SMIM17: variants seen among roughly 807,000 people sequenced by gnomAD.
The protein encoded by SMIM17 is small integral membrane protein 17.
A neutral mutation model predicts 12.2 loss-of-function variants in SMIM17; 10 were observed. The ratio of observed to expected loss-of-function variants is 0.82; its 90% CI spans 0.50 to 1.39. SMIM17 has a LOEUF of 1.39. Ranked by LOEUF, SMIM17 falls within the 40% of genes most tolerant of loss-of-function variation. The pLI, the probability that SMIM17 is intolerant of heterozygous loss-of-function variation, is 0.00. For missense variants in SMIM17, 136 were observed against 118.2 expected, an observed-to-expected ratio of 1.15 and a Z score of -0.70; for synonymous variants, 50 against 44.1, an observed-to-expected ratio of 1.13 and a Z score of -0.53.
intron 3 of SMIM17, among the ~76,000 whole-genome samples, chr19:56,650,730 T>G (rs2045102798): frequency 6.6e-6 from 1 of 152,014 alleles, no homozygotes; most frequent in Non-Finnish European, 1.5e-5. Context: ...TCCAGACCTG[T>G]GGAACGTAAA....
intron 3 of SMIM17, among the ~76,000 whole-genome samples, chr19:56,649,725 C>T (rs187922107): frequency 6.6e-6 from 1 of 151,122 alleles, no homozygotes; most frequent in South Asian, 2.1e-4. Flanking sequence ...CACCAAGGGG[C>T]ATGGTGGTCA....
intron 2 of SMIM17, among the ~76,000 whole-genome samples, chr19:56,646,464 C>T (rs916394584): frequency 2.6e-5 from 4 of 152,162 alleles, no homozygotes; most frequent in African/African-American, 9.7e-5. Context: ...TGTGGAGATG[C>T]TGCTGTTATC....
rs1219126326 is a variant in SMIM17, at chr19:56,656,895, T to C, written c.*1682T>C. Among the ~76,000 whole-genome samples the C allele has an allele frequency of 6.6e-6, 1 of 152,226 alleles. No homozygotes were observed. Among genetic ancestry groups the C allele is most frequent in the Non-Finnish European group, 1.5e-5 (1 of 68,030 alleles). ...CCTAGAACATGTCCATTTTTTGTAATTGTTTCACGAACATTTAAGATGAAG... is the reference window on the plus strand; with the variant it reads ...CCTAGAACATGTCCATTTTTTGTAACTGTTTCACGAACATTTAAGATGAAG... On this transcript the variant is annotated 3_prime_UTR_variant, in exon 4 of 4. Coordinates refer to ENST00000598409, the MANE Select transcript of SMIM17 (RefSeq NM_001193628.2).
Position 56,656,723 on chromosome 19 carries a change from G to A in SMIM17, c.*1510G>A, listed in dbSNP as rs1427613683. On this transcript the variant is annotated 3_prime_UTR_variant, in exon 4 of 4. Transcript: ENST00000598409. ...GTGTGTCTAAATATTACATTGTAGT[G>A]TTTCTAAAGAGTGCTTTGAAACTCA... 6.6e-6 allele frequency among the ~76,000 whole-genome samples: 1 copy of A among 152,124 alleles called. No individual in the cohort carries two copies. The highest frequency in any genetic ancestry group is 2.4e-5 in the African/African-American group (1 of 41,428).
chr19:56,657,207 GGC>G lies in SMIM17; in HGVS notation c.*1995_*1996del, dbSNP rs1417713949. ...TGTAAAACACCATATGACAATGGCT[GGC>G]AGATAGTAGGCACTCAATAAATGTT... On this transcript the variant is annotated 3_prime_UTR_variant, in exon 4 of 4. Transcript: ENST00000598409. Among the ~76,000 whole-genome samples the G allele has an allele frequency of 6.6e-6, 1 of 152,110 alleles. No individual in the cohort carries two copies. The highest frequency in any genetic ancestry group is 1.5e-5 in the Non-Finnish European group (1 of 68,022).
At chr19:56,647,424 A>T in intron 2 of SMIM17, 134 bp from the exon 3 acceptor site, 1 of 168,096 alleles carries the variant, frequency 5.9e-6, no homozygotes, top group East Asian at 7.2e-5. Flanking sequence ...GGAGGGTGAG[A>T]GAGAGAGAGA....
chr19:56,655,352 T>C lies in SMIM17; in HGVS notation c.*139T>C, dbSNP rs2045141736. 2.0e-6 allele frequency: 1 copy of C among 495,990 alleles called. No individual in the cohort carries two copies. Among genetic ancestry groups the C allele is most frequent in the Non-Finnish European group, 3.6e-6 (1 of 279,806 alleles). The allele number at this position is 495,990 out of a possible 1,614,324, so 30.7% of individuals were successfully genotyped here. A position where few individuals can be genotyped will look rare whatever the true frequency, so the allele number is the denominator to read the frequency against. On this transcript the variant is annotated 3_prime_UTR_variant, in exon 4 of 4. Coordinates refer to ENST00000598409, the MANE Select transcript of SMIM17 (RefSeq NM_001193628.2). ...GCCTTTCAAACATCCTTTGAGATGATTTTTAAAAAATTTTTGGTGTGAGTT... is the reference window on the plus strand; with the variant it reads ...GCCTTTCAAACATCCTTTGAGATGACTTTTAAAAAATTTTTGGTGTGAGTT...
At chr19:56,654,357 C>A (rs1301213856) in intron 3 of SMIM17, among the ~76,000 whole-genome samples, 1 of 152,160 alleles carries the variant, frequency 6.6e-6, no homozygotes, top group African/African-American at 2.4e-5. Context: ...GTGAGAAAGG[C>A]AAGGAATGAC....
intron 1 of SMIM17, among the ~76,000 whole-genome samples, chr19:56,643,640 T>A (rs927798497): frequency 1.3e-5 from 2 of 152,194 alleles, no homozygotes; most frequent in African/African-American, 4.8e-5. Flanking sequence ...GTTCGCGTTG[T>A]GTGTCCGCCT....
chr19:56,656,134 C>T lies in SMIM17; in HGVS notation c.*921C>T, dbSNP rs931186883. 5.3e-5 allele frequency among the ~76,000 whole-genome samples: 8 copies of T among 151,756 alleles called. No individual in the cohort carries two copies. The South Asian group carries it at 6.3e-4, about 12-fold the overall frequency. On this transcript the variant is annotated 3_prime_UTR_variant, in exon 4 of 4. Coordinates refer to ENST00000598409, the MANE Select transcript of SMIM17 (RefSeq NM_001193628.2). ...TAATTTTTTGTATTTTTAGTAGAGACGGGGTTTCACCGTGTTAGCCAGGAT... is the reference window on the plus strand; with the variant it reads ...TAATTTTTTGTATTTTTAGTAGAGATGGGGTTTCACCGTGTTAGCCAGGAT...
In SMIM17 at chr19:56,656,111, A is replaced by AT. The variant is rs903890111; in HGVS notation, c.*904dup. 6.6e-6 allele frequency among the ~76,000 whole-genome samples: 1 copy of AT among 151,622 alleles called. No individual in the cohort carries two copies. On this transcript the variant is annotated 3_prime_UTR_variant, in exon 4 of 4. Coordinates refer to ENST00000598409, the MANE Select transcript of SMIM17 (RefSeq NM_001193628.2). ...AGGCGCCCACCACCATGCCCAGCTAATTTTTTGTATTTTTAGTAGAGACGG... is the reference window on the plus strand; with the variant it reads ...AGGCGCCCACCACCATGCCCAGCTAATTTTTTTGTATTTTTAGTAGAGACGG...
chr19:56,645,848 G>A lies in SMIM17; in HGVS notation c.169+12G>A, dbSNP rs567247210. On this transcript the variant is annotated intron_variant, in intron 2 of 3. Transcript: ENST00000598409. ...CAGTGATGAGAAAGGTGAGAGGCAGGGGTCCTTTGGGAGGTGAGTGGGTGG... is the reference window on the plus strand; with the variant it reads ...CAGTGATGAGAAAGGTGAGAGGCAGAGGTCCTTTGGGAGGTGAGTGGGTGG... 4.1e-5 allele frequency: 63 copies of A among 1,524,554 alleles called. No homozygotes were observed. In the African/African-American group the frequency reaches 6.0e-4, roughly 15 times the overall value. 94.4% of individuals were successfully genotyped at this position (1,524,554 alleles called of 1,614,324 possible). A position where few individuals can be genotyped will look rare whatever the true frequency, so the allele number is the denominator to read the frequency against.
intron 3 of SMIM17, among the ~76,000 whole-genome samples, chr19:56,648,762 ATTAT>A (rs1444068977): frequency 1.9e-4 from 29 of 152,354 alleles, no homozygotes; most frequent in African/African-American, 6.5e-4. Context: ...ACCAAAGACA[ATTAT>A]CAAACACATT....
At chr19:56,645,955 C>A in intron 2 of SMIM17, 119 bp downstream of exon 2, 1 of 1,128,832 alleles carries the variant, frequency 8.9e-7, no homozygotes, top group Non-Finnish European at 1.2e-6. Context: ...TCATGGAGCA[C>A]TGTGTCAGTC....
At position 56,647,420 on chromosome 19, in the gene SMIM17, T is replaced by TGAGAGAGAGA. The variant is rs72370552; in HGVS notation, c.170-116_170-107dup. 1.3e-4 allele frequency: 74 copies of TGAGAGAGAGA among 548,540 alleles called. 1 individual carries two copies. Among genetic ancestry groups the TGAGAGAGAGA allele is most frequent in the African/African-American group, 1.2e-3 (55 of 47,340 alleles). The allele number at this position is 548,540 out of a possible 1,614,324, so 34.0% of individuals were successfully genotyped here. On this transcript the variant is annotated intron_variant, in intron 2 of 3. Coordinates refer to ENST00000598409, the MANE Select transcript of SMIM17 (RefSeq NM_001193628.2). ...GAGAGAGAGAGAGAGAGAAGGAGGGTGAGAGAGAGAGAGAGAGAGAGAGAG... is the reference window on the plus strand; with the variant it reads ...GAGAGAGAGAGAGAGAGAAGGAGGGTGAGAGAGAGAGAGAGAGAGAGAGAGAGAGAGAGAG...
At chr19:56,651,908 A>C (rs1247228006) in intron 3 of SMIM17, among the ~76,000 whole-genome samples, 1 of 151,974 alleles carries the variant, frequency 6.6e-6, no homozygotes, top group Non-Finnish European at 1.5e-5. Flanking sequence ...GTTCGAGATC[A>C]GTCTGCATAA....
intron 3 of SMIM17, among the ~76,000 whole-genome samples, chr19:56,650,431 G>A (rs573232082): frequency 3.9e-5 from 6 of 152,198 alleles, no homozygotes; most frequent in South Asian, 4.1e-4. Context: ...CTCGGCCTCC[G>A]AAAGTGCTGG....
At chr19:56,647,668 G>A (rs1302583031) in intron 3 of SMIM17, 34 bp downstream of exon 3, 6 of 1,501,356 alleles carry the variant, frequency 4.0e-6, no homozygotes, top group Middle Eastern at 1.7e-4. Context: ...TTCCACAAAT[G>A]TCCCACTCTG....
intron 3 of SMIM17, 60 bp downstream of exon 3, chr19:56,647,694 T>C: frequency 1.4e-6 from 2 of 1,388,486 alleles, no homozygotes; most frequent in South Asian, 2.5e-5. Flanking sequence ...CTCAGCACTT[T>C]GTCACATTTG....
Sources: allele counts gnomAD v4.1 joint callset (sites outside exome capture counted in the v4.1 genomes callset), GRCh38; gene constraint gnomAD v4.1.1; transcripts MANE v1.5; gene names NCBI Gene and HGNC (gene_info 2026-07-23, HGNC 2026-07-21).